The following NIBAN1 variants were observed in gnomAD, a reference collection of about 807,000 sequenced individuals.
The protein encoded by NIBAN1 is protein Niban 1.
In NIBAN1, 81 loss-of-function variants were observed where a neutral mutation model predicts 75.1. That is an observed-to-expected ratio of 1.08 (90% CI 0.90 to 1.30). The LOEUF (loss-of-function observed/expected upper bound fraction) is 1.30, where lower values mean the gene tolerates loss of function less well. Among genes scored for constraint, NIBAN1 ranks in the 50% most tolerant of loss-of-function variants. NIBAN1 has a pLI of 0.00. For synonymous variants in NIBAN1, 436 were observed against 424.8 expected (o/e 1.03, Z -0.32); for missense variants, 1,133 against 1,128.1 (o/e 1.00, Z -0.06).
intron 5 of NIBAN1, among the ~76,000 whole-genome samples, chr1:184,881,432 G>A (rs1437101660): frequency 6.6e-6 from 1 of 152,162 alleles, no homozygotes; most frequent in African/African-American, 2.4e-5. Context: ...TTGAGTGCTA[G>A]GAGACATGTC....
intron 1 of NIBAN1, among the ~76,000 whole-genome samples, chr1:184,912,498 G>A (rs995395073): frequency 6.6e-6 from 1 of 152,106 alleles, no homozygotes; most frequent in African/African-American, 2.4e-5. Flanking sequence ...CACATCCTCA[G>A]GAATTCTCGG....
chr1:184,804,303 G>A (rs889008544), intron 11 of NIBAN1, among the ~76,000 whole-genome samples: 1 of 152,216 alleles, frequency 6.6e-6, no homozygotes, highest in African/African-American at 2.4e-5. Context: ...GTCAGGCCAA[G>A]TGAAGAATAG....
intron 12 of NIBAN1, among the ~76,000 whole-genome samples, chr1:184,800,941 T>C (rs1430207007): frequency 6.6e-6 from 1 of 152,186 alleles, no homozygotes. Context: ...TGATTCCTTC[T>C]AGGATAGCTC....
intron 5 of NIBAN1, among the ~76,000 whole-genome samples, chr1:184,839,811 G>A (rs932859960): frequency 6.6e-5 from 10 of 152,014 alleles, no homozygotes; most frequent in Non-Finnish European, 1.0e-4. Flanking sequence ...TGGCCAGGCT[G>A]GTCTCGAACT....
At chr1:184,894,287 A>C in intron 2 of NIBAN1, 81 bp from the exon 3 acceptor site, 1 of 1,413,942 alleles carries the variant, frequency 7.1e-7, no homozygotes, top group Non-Finnish European at 9.3e-7. Flanking sequence ...TGCTATTTCA[A>C]GGAATAGTTT....
At chr1:184,809,934 T>C (rs1474990555) in intron 9 of NIBAN1, among the ~76,000 whole-genome samples, 1 of 151,994 alleles carries the variant, frequency 6.6e-6, no homozygotes, top group East Asian at 1.9e-4. Context: ...CAATCTAAAG[T>C]CTAGCCTCTA....
At chr1:184,939,899 A>G (rs746841365) in intron 1 of NIBAN1, among the ~76,000 whole-genome samples, 1 of 152,190 alleles carries the variant, frequency 6.6e-6, no homozygotes, top group Non-Finnish European at 1.5e-5. Context: ...TCATCTTTGT[A>G]TCTCCACACT....
At chr1:184,839,340 AT>A (rs1429777097) in intron 5 of NIBAN1, among the ~76,000 whole-genome samples, 1 of 152,106 alleles carries the variant, frequency 6.6e-6, no homozygotes, top group Non-Finnish European at 1.5e-5. Context: ...AAGATCTCAA[AT>A]TTGAGATTAT....
At chr1:184,967,813 CA>C (rs1658837885) in intron 1 of NIBAN1, among the ~76,000 whole-genome samples, 1 of 152,156 alleles carries the variant, frequency 6.6e-6, no homozygotes, top group South Asian at 2.1e-4. Flanking sequence ...TTAGAAGCCA[CA>C]AGAGGGAAAG....
intron 1 of NIBAN1, among the ~76,000 whole-genome samples, chr1:184,972,071 T>C (rs190039833): frequency 6.6e-6 from 1 of 152,366 alleles, no homozygotes; most frequent in Non-Finnish European, 1.5e-5. Context: ...CAGCGGTTTA[T>C]GATGCATACA....
chr1:184,837,201 T>A (rs1376978749), intron 5 of NIBAN1, among the ~76,000 whole-genome samples: 1 of 152,198 alleles, frequency 6.6e-6, no homozygotes, highest in Non-Finnish European at 1.5e-5. Flanking sequence ...CTCCTGCCAA[T>A]AAGCAAATTG....
chr1:184,804,151 T>A (rs1377228219), intron 11 of NIBAN1, among the ~76,000 whole-genome samples: 1 of 152,112 alleles, frequency 6.6e-6, no homozygotes, highest in Non-Finnish European at 1.5e-5. Context: ...CCAAAGAAGT[T>A]CAGTATCCAG....
chr1:184,816,678 G>T (rs563894162), intron 9 of NIBAN1, among the ~76,000 whole-genome samples: 7 of 151,896 alleles, frequency 4.6e-5, no homozygotes, highest in Admixed American at 3.3e-4. Flanking sequence ...CTGTAAATAG[G>T]ATGTTCCAGC....
At chr1:184,917,356 C>T (rs1474707196) in intron 1 of NIBAN1, among the ~76,000 whole-genome samples, 1 of 148,942 alleles carries the variant, frequency 6.7e-6, no homozygotes, top group Non-Finnish European at 1.5e-5. Context: ...CACCCGCCAC[C>T]ACGCCCGGCT....
chr1:184,913,305 C>T (rs1657298834), intron 1 of NIBAN1, among the ~76,000 whole-genome samples: 1 of 151,878 alleles, frequency 6.6e-6, no homozygotes, highest in Non-Finnish European at 1.5e-5. Context: ...GTTTGCACTG[C>T]CACCATTATC....
rs66802117 is a variant in NIBAN1, at chr1:184,899,807, CTTTTTTT to C, written c.56-505_56-499del. Among the ~76,000 whole-genome samples the C allele has an allele frequency of 1.7e-3, 166 of 100,342 alleles. 1 individual carries two copies. In the East Asian group the frequency reaches 0.04, roughly 24 times the overall value. 65.8% of individuals were successfully genotyped at this position (100,342 alleles called of 152,430 possible). A position where few individuals can be genotyped will look rare whatever the true frequency, so the allele number is the denominator to read the frequency against. On this transcript the variant is annotated intron_variant, in intron 1 of 13. Coordinates refer to ENST00000367511, the MANE Select transcript of NIBAN1 (RefSeq NM_052966.4). The stretch of plus-strand genomic sequence containing the variant: ...TTCAATTCTGCAAGCACATCACTCT[CTTTTTTT>C]TTTTTTTTTTTTTTTTCTTGAGACA...
intron 1 of NIBAN1, among the ~76,000 whole-genome samples, chr1:184,928,226 T>C (rs111258194): frequency 0.019 from 2,939 of 152,196 alleles, 51 homozygotes; most frequent in South Asian, 0.046. Flanking sequence ...ATCCAAGGTG[T>C]GAGACAAAGT....
chr1:184,971,113 C>T (rs1658924939), intron 1 of NIBAN1, among the ~76,000 whole-genome samples: 1 of 150,924 alleles, frequency 6.6e-6, no homozygotes, highest in Non-Finnish European at 1.5e-5. Context: ...TGGCAAAATC[C>T]CATCTCTACA....
chr1:184,851,628 T>TA (rs537374977), intron 5 of NIBAN1, among the ~76,000 whole-genome samples: 1,590 of 22,888 alleles, frequency 0.069, 487 homozygotes, highest in African/African-American at 0.18. Context: ...TAGAGTATAA[T>TA]AAAAAAAAAA....
Sources: allele counts gnomAD v4.1 joint callset (sites outside exome capture counted in the v4.1 genomes callset), GRCh38; gene constraint gnomAD v4.1.1; transcripts MANE v1.5; gene names NCBI Gene and HGNC (gene_info 2026-07-23, HGNC 2026-07-21).